Variants in REXO1 observed in about 807,000 individuals in gnomAD.
REXO1 encodes the protein RNA exonuclease 1 homolog.
A neutral mutation model predicts 102.6 loss-of-function variants in REXO1; 42 were observed. The ratio of observed to expected loss-of-function variants is 0.41; its 90% CI spans 0.32 to 0.53. REXO1 has a LOEUF of 0.53. Ranked by LOEUF, REXO1 falls within the 20% of genes least tolerant of loss-of-function variation. REXO1 has a pLI of 0.27. For synonymous variants in REXO1, 908 were observed against 779.1 expected (o/e 1.17, Z -2.76); for missense variants, 1,819 against 1,732.5 (o/e 1.05, Z -0.89).
Position 1,823,583 on chromosome 19 carries a change from C to G in REXO1, c.2219G>C (p.Arg740Pro), listed in dbSNP as rs749753207. ...GGGCCAGGACTCACCTGCAGCCAGG[C>G]GGGGGTTGGGGATGTGGGCGATCCT... Reference protein sequence around the residue: ...KRRIAHIPNPRLAAAPTGAKR... With the variant: ...KRRIAHIPNPPLAAAPTGAKR... Residue 740 changes from arginine to proline, a missense_variant, in exon 4 of 16, where the codon CGC (arginine) becomes CCC (proline). Arg to Pro is a moderately radical substitution (Grantham distance 103). Transcript: ENST00000170168. 7 of 1,312,968 alleles carry G rather than the reference C, an allele frequency of 5.3e-6. No individual in the cohort carries two copies. In the African/African-American group the frequency reaches 9.2e-5, roughly 17 times the overall value. 81.3% of individuals were successfully genotyped at this position (1,312,968 alleles called of 1,614,324 possible). A position where few individuals can be genotyped will look rare whatever the true frequency, so the allele number is the denominator to read the frequency against.
rs777479038 is a variant in REXO1 at position 1,827,381 on chromosome 19, C to G, written c.1408G>C (p.Gly470Arg). 3.1e-5 allele frequency: 48 copies of G among 1,532,968 alleles called. No individual in the cohort carries two copies. The East Asian group carries it at 1.1e-3, about 36-fold the overall frequency. The allele number at this position is 1,532,968 out of a possible 1,614,324, so 95.0% of individuals were successfully genotyped here. ...TGGAGGGGGCGGGGTGGGCCTCTGC[C>G]GGCCGCCGGTCGGGAGTCCCCGCTT... Reference protein sequence around the residue: ...PTSGDSRPAAGRGPPRPLQLP... With the variant: ...PTSGDSRPAARRGPPRPLQLP... The change falls in exon 2 of 16, where the codon GGC (glycine) becomes CGC (arginine). Residue 470 changes from glycine to arginine, a missense_variant. Physicochemically the swap from Gly to Arg is moderately radical, Grantham distance 125. Transcript: ENST00000170168.
rs1007237204 is a variant in REXO1, at chr19:1,815,921, T to A, written c.*145A>T. 4 of 1,534,398 alleles carry A rather than the reference T, an allele frequency of 2.6e-6. No individual in the cohort carries two copies. Among genetic ancestry groups the A allele is most frequent in the Non-Finnish European group, 2.6e-6 (3 of 1,146,324 alleles). ...AGCGGGGGTGGGCTGGGCTGGGCGT[T>A]CTCTGGCCGCCAGCTCATCCCGCTG... On this transcript the variant is annotated 3_prime_UTR_variant, in exon 16 of 16. Coordinates refer to ENST00000170168, the MANE Select transcript of REXO1 (RefSeq NM_020695.4). The surrounding 1 kb of genome is among the most constrained non-coding windows in gnomAD (Gnocchi z 4.0).
rs368989418 is a variant in REXO1 at position 1,827,802 on chromosome 19, G to A, written c.987C>T (p.Ala329=). 4.5e-5 allele frequency: 72 copies of A among 1,599,356 alleles called. No individual in the cohort carries two copies. The African/African-American group carries it at 6.3e-4, about 14-fold the overall frequency. ...TGGTCTCCCGCAGGCCGCCCCCCTC[G>A]GCCTCCAGGCCCTCTTTGGAGGGTG... is the stretch of plus-strand genomic sequence containing the variant. ...GQPPSKEGLE[A]EGGGLRETKE... is the part of the protein sequence containing the mutation. The change falls in exon 2 of 16, where the codon GCC becomes GCT. Residue 329 remains alanine (A), a synonymous_variant. Transcript: ENST00000170168.
rs201434910 is a variant in REXO1, at chr19:1,817,694, C to T, written c.3090+13G>A. The T allele has an allele frequency of 2.5e-3, 4,106 of 1,610,228 alleles. 7 individuals are homozygous for T. Among genetic ancestry groups the T allele is most frequent in the Non-Finnish European group, 3.1e-3 (3,617 of 1,178,484 alleles). The stretch of plus-strand genomic sequence containing the variant: ...TGAGAACAGGCAGAGGGGACTGGGA[C>T]GCCAGGGCTCACCTTTGCGACTTGG... On this transcript the variant is annotated intron_variant, in intron 11 of 15. Transcript: ENST00000170168.
chr19:1,826,015 T>C lies in REXO1; in HGVS notation c.1912-72A>G, dbSNP rs771390761. On this transcript the variant is annotated intron_variant, in intron 2 of 15. Transcript: ENST00000170168. The surrounding 1 kb of genome is among the most constrained non-coding windows in gnomAD (Gnocchi z 4.3). ...ACACCAACACACCCCAACCTCAAAC[T>C]GCCCCCGGCAAGTGGGGAATGGAAC... is the stretch of plus-strand genomic sequence containing the variant. 15 of 1,102,388 alleles carry C rather than the reference T, an allele frequency of 1.4e-5. No individual in the cohort carries two copies. Among genetic ancestry groups the C allele is most frequent in the Non-Finnish European group, 1.8e-5 (13 of 722,404 alleles). 68.3% of individuals were successfully genotyped at this position (1,102,388 alleles called of 1,614,324 possible).
Position 1,827,021 on chromosome 19 carries a change from T to TGGA in REXO1, c.1765_1767dup (p.Ser589dup), listed in dbSNP as rs3052937. Reference sequence around the variant, plus strand: ...TCCACATCCGCCCCCGCGCTGGAGGTGGAGGAGGAGGAGGAGGAGGAGGAG... The same window carrying TGGA: ...TCCACATCCGCCCCCGCGCTGGAGGTGGAGGAGGAGGAGGAGGAGGAGGAGGAG... On this transcript the variant is annotated inframe_insertion, in exon 2 of 16. Transcript: ENST00000170168. 59,423 of 1,383,122 alleles carry TGGA rather than the reference T, an allele frequency of 0.043. 2,108 individuals are homozygous for TGGA. Among genetic ancestry groups the TGGA allele is most frequent in the African/African-American group, 0.29 (19,182 of 65,762 alleles). The allele number at this position is 1,383,122 out of a possible 1,614,324, so 85.7% of individuals were successfully genotyped here.
At chr19:1,836,743 C>CAA (rs1185957602) in intron 1 of REXO1, among the ~76,000 whole-genome samples, 2,320 of 63,958 alleles carry the variant, frequency 0.036, 110 homozygotes, top group Non-Finnish European at 0.049. Context: ...AAGACTGTCT[C>CAA]AAAAAAAAAA....
At chr19:1,835,747 G>A (rs1599161107) in intron 1 of REXO1, among the ~76,000 whole-genome samples, 1 of 152,194 alleles carries the variant, frequency 6.6e-6, no homozygotes, top group African/African-American at 2.4e-5. Context: ...TACCTCCAGA[G>A]GCCTGGGAGC....
At position 1,828,328 on chromosome 19, in the gene REXO1, C is replaced by T. The variant is rs2069804808; in HGVS notation, c.461G>A (p.Gly154Asp). 3.7e-6 allele frequency: 6 copies of T among 1,609,664 alleles called. No homozygotes were observed. The East Asian group carries it at 1.3e-4, about 36-fold the overall frequency. The change falls in exon 2 of 16, where the codon GGC becomes GAC. Residue 154 changes from glycine (G) to aspartate (D), a missense_variant. Gly to Asp is a moderately conservative substitution (Grantham distance 94). Transcript: ENST00000170168. Reference protein sequence around the residue: ...AFPLAFDYSPGSHGLLSPDAG... With the variant: ...AFPLAFDYSPDSHGLLSPDAG... ...ATCAGGGCTTAATAGGCCGTGGCTG[C>T]CGGGGCTGTAGTCGAAGGCCAGTGG...
intron 7 of REXO1, 58 bp from the exon 8 acceptor site, chr19:1,819,189 C>G: frequency 7.5e-7 from 1 of 1,328,646 alleles, no homozygotes; most frequent in Non-Finnish European, 1.0e-6. Flanking sequence ...GACCCCTGCC[C>G]CGCCTGCTCT....
At position 1,827,905 on chromosome 19, in the gene REXO1, G is replaced by A. The variant is rs150047295; in HGVS notation, c.884C>T (p.Thr295Met). 7.6e-5 allele frequency: 122 copies of A among 1,613,658 alleles called. No individual in the cohort carries two copies. The highest frequency in any genetic ancestry group is 3.3e-4 in the Middle Eastern group (2 of 6,084). The change falls in exon 2 of 16, where the codon ACG (threonine) becomes ATG (methionine). Residue 295 changes from threonine to methionine, a missense_variant. Physicochemically the swap from Thr to Met is moderately conservative, Grantham distance 81 (BLOSUM62 -1). Coordinates refer to ENST00000170168, the MANE Select transcript of REXO1 (RefSeq NM_020695.4). ...RFSDSEDEAA[T>M]VPGNEPTTAS... is the part of the protein sequence containing the mutation. ...CGTGGTGGGCTCGTTACCTGGGACCGTGGCGGCCTCATCTTCTGAGTCTGA... is the reference window on the plus strand; with the variant it reads ...CGTGGTGGGCTCGTTACCTGGGACCATGGCGGCCTCATCTTCTGAGTCTGA...
In REXO1 at chr19:1,848,266, G is replaced by T; in HGVS notation, c.93C>A (p.Phe31Leu). Residue 31 changes from phenylalanine (F) to leucine (L), a missense_variant, in exon 1 of 16, where the codon TTC becomes TTA. Transcript: ENST00000170168. ...CGGAGCCCCGGGCCCCGCGGTGCCGGAAGTGGCAGTAGGGCCGCCGGCAGG... is the reference window on the plus strand; with the variant it reads ...CGGAGCCCCGGGCCCCGCGGTGCCGTAAGTGGCAGTAGGGCCGCCGGCAGG... ...GGPCRRPYCH[F>L]RHRGARGSGA... 1 of 1,232,256 alleles carries T rather than the reference G, an allele frequency of 8.1e-7. No homozygotes were observed. The allele number at this position is 1,232,256 out of a possible 1,614,324, so 76.3% of individuals were successfully genotyped here. A position where few individuals can be genotyped will look rare whatever the true frequency, so the allele number is the denominator to read the frequency against.
chr19:1,828,244 AGCGAGTACTTGCTGCCCG>A lies in REXO1; in HGVS notation c.527_544del (p.Pro176_Ser181del), dbSNP rs2069800879. ...GCCCTGACCCCTGTCCAGGGACGCCAGCGAGTACTTGCTGCCCGGCTCGGCAGGGGCGGCCAGTGGGGT... is the reference window on the plus strand; with the variant it reads ...GCCCTGACCCCTGTCCAGGGACGCCAGCTCGGCAGGGGCGGCCAGTGGGGT... On this transcript the variant is annotated inframe_deletion, in exon 2 of 16. Coordinates refer to ENST00000170168, the MANE Select transcript of REXO1 (RefSeq NM_020695.4). 10 of 1,606,588 alleles carry A rather than the reference AGCGAGTACTTGCTGCCCG, an allele frequency of 6.2e-6. No homozygotes were observed. Among genetic ancestry groups the A allele is most frequent in the Non-Finnish European group, 8.5e-6 (10 of 1,176,672 alleles).
intron 5 of REXO1, 25 bp downstream of exon 5, chr19:1,821,494 T>G: frequency 6.2e-7 from 1 of 1,612,702 alleles, no homozygotes; most frequent in Non-Finnish European, 8.5e-7. Context: ...GGGGTGGTGG[T>G]CCTGGCCGAG....
In REXO1 at chr19:1,826,941, G is replaced by A. The variant is rs762463327; in HGVS notation, c.1848C>T (p.Cys616=). The change falls in exon 2 of 16, where the codon TGC becomes TGT. Residue 616 remains cysteine (C), a synonymous_variant. Transcript: ENST00000170168. This position sits in a 1 kb window ranked among gnomAD's most constrained non-coding sequence, Gnocchi z 4.3. ...TGGTGGACTCGTTGAAGATCCGCAGGCACTCCTCCATGGGGTCGGAGTCAA... is the reference window on the plus strand; with the variant it reads ...TGGTGGACTCGTTGAAGATCCGCAGACACTCCTCCATGGGGTCGGAGTCAA... The part of the protein sequence containing the change: ...VDFDSDPMEE[C]LRIFNESTSV... 4 of 1,582,840 alleles carry A rather than the reference G, an allele frequency of 2.5e-6. No homozygotes were observed. Among genetic ancestry groups the A allele is most frequent in the Non-Finnish European group, 3.4e-6 (4 of 1,165,500 alleles).
At chr19:1,840,677 G>A (rs1232414899) in intron 1 of REXO1, among the ~76,000 whole-genome samples, 5 of 140,996 alleles carry the variant, frequency 3.5e-5, no homozygotes, top group South Asian at 4.6e-4. Context: ...CCCGCCCCAC[G>A]TCACCCCTCC....
chr19:1,836,676 G>A (rs2070046034), intron 1 of REXO1, among the ~76,000 whole-genome samples: 1 of 151,044 alleles, frequency 6.6e-6, no homozygotes, highest in Non-Finnish European at 1.5e-5. Context: ...AACCCGGGAG[G>A]CGGAGACTGC....
chr19:1,835,069 G>A (rs1050392268), intron 1 of REXO1: 7 of 294,262 alleles, frequency 2.4e-5, no homozygotes, highest in South Asian at 4.7e-5. Context: ...CAGGGGGTAC[G>A]GCGTGCTGAG....
chr19:1,841,813 C>G (rs2011296024), intron 1 of REXO1, among the ~76,000 whole-genome samples: 1 of 152,180 alleles, frequency 6.6e-6, no homozygotes, highest in South Asian at 2.1e-4. Flanking sequence ...CCCCAGCGAG[C>G]TGCTCTGCCT....
Sources: gnomAD v4.1 joint callset for allele counts (sites outside exome capture counted in the v4.1 genomes callset) on GRCh38, gnomAD v4.1.1 for gene constraint, Gnocchi (gnomAD v3.1) non-coding constraint, MANE v1.5 for transcripts, NCBI Gene and HGNC (gene_info 2026-07-23, HGNC 2026-07-21) for gene names.